DGKH: variants seen among roughly 807,000 people sequenced by gnomAD.
DGKH encodes DAG kinase eta.
A neutral mutation model predicts 159.3 loss-of-function variants in DGKH; 90 were observed. The ratio of observed to expected loss-of-function variants is 0.57; its 90% CI spans 0.48 to 0.67. DGKH has a LOEUF of 0.67. DGKH is among the 30% of genes least tolerant of loss of function. The probability of loss-of-function intolerance (pLI) is 0.00; values close to 1 mark genes in which losing one functional copy is unlikely to be tolerated. For missense variants in DGKH, 1,181 were observed against 1,506.1 expected (o/e 0.78, Z 3.57); for synonymous variants, 536 against 553.8 (o/e 0.97, Z 0.45).
chr13:42,070,907 G>C (rs1446688495), intron 1 of DGKH: 21 of 1,271,300 alleles, frequency 1.7e-5, no homozygotes, highest in East Asian at 2.3e-5. Flanking sequence ...ATTTCACATA[G>C]AGCATGTTTG....
At position 42,112,284 on chromosome 13, in the gene DGKH, CTTTTTTTTT is replaced by C. The variant is rs58307947; in HGVS notation, c.193-15170_193-15162del. Reference sequence around the variant, plus strand: ...CAATGCATACCATCTAGCCTTGTGGCTTTTTTTTTTTTTTTTTGACTTAGTCTCGTTCTG... The same window carrying C: ...CAATGCATACCATCTAGCCTTGTGGCTTTTTTTTGACTTAGTCTCGTTCTG... On this transcript the variant is annotated intron_variant, in intron 1 of 29. Coordinates refer to ENST00000337343, the MANE Select transcript of DGKH (RefSeq NM_178009.5). 4.9e-5 allele frequency among the ~76,000 whole-genome samples: 6 copies of C among 122,828 alleles called. No individual in the cohort carries two copies. The South Asian group carries it at 1.5e-3, about 32-fold the overall frequency. The allele number at this position is 122,828 out of a possible 152,430, so 80.6% of individuals were successfully genotyped here. A position where few individuals can be genotyped will look rare whatever the true frequency, so the allele number is the denominator to read the frequency against.
At chr13:42,116,080 A>G (rs972643225) in intron 1 of DGKH, among the ~76,000 whole-genome samples, 1 of 152,202 alleles carries the variant, frequency 6.6e-6, no homozygotes, top group Non-Finnish European at 1.5e-5. Context: ...ATTGCCTCAC[A>G]TATCATCATA....
At chr13:42,167,542 C>T (rs192664529) in intron 9 of DGKH, among the ~76,000 whole-genome samples, 8 of 152,224 alleles carry the variant, frequency 5.3e-5, no homozygotes, top group Non-Finnish European at 5.9e-5. Flanking sequence ...GCTTCCATTG[C>T]CTTTATCTTG....
intron 1 of DGKH, among the ~76,000 whole-genome samples, chr13:42,049,300 G>A (rs999932308): frequency 3.3e-5 from 5 of 152,108 alleles, no homozygotes; most frequent in Non-Finnish European, 7.4e-5. Context: ...GGCAGAGGCG[G>A]GTGCAGGGAA....
chr13:42,211,360 T>A (rs118098287), intron 24 of DGKH, among the ~76,000 whole-genome samples: 1 of 152,278 alleles, frequency 6.6e-6, no homozygotes, highest in East Asian at 1.9e-4. Context: ...TCCATTTTCA[T>A]ATGGCTATGA....
chr13:42,045,466 G>C (rs1017308034), upstream of DGKH, among the ~76,000 whole-genome samples: 1 of 152,204 alleles, frequency 6.6e-6, no homozygotes, highest in Non-Finnish European at 1.5e-5. Context: ...CTTTGCATTA[G>C]GTCTAGATGA....
chr13:42,049,954 A>G (rs1462039813), intron 1 of DGKH, among the ~76,000 whole-genome samples: 1 of 152,248 alleles, frequency 6.6e-6, no homozygotes, highest in Non-Finnish European at 1.5e-5. Context: ...CGGAACCACA[A>G]AATCATTGGC....
downstream of DGKH, among the ~76,000 whole-genome samples, chr13:42,247,329 C>T (rs138324666): frequency 3.4e-3 from 515 of 149,922 alleles, 8 homozygotes; most frequent in East Asian, 0.04. Context: ...CTCCTGGGTT[C>T]AAGCAATCCT....
At chr13:42,250,292 A>G (rs896995616) in intron 29 of DGKH, among the ~76,000 whole-genome samples, 11 of 152,178 alleles carry the variant, frequency 7.2e-5, no homozygotes, top group Non-Finnish European at 1.5e-4. Flanking sequence ...TTTAAAAAAA[A>G]AAAAGTTTAT....
chr13:42,042,399 C>G (rs969808668), intron 1 of DGKH, among the ~76,000 whole-genome samples: 3 of 151,958 alleles, frequency 2.0e-5, no homozygotes, highest in Admixed American at 6.5e-5. Flanking sequence ...TTTTTCTTCT[C>G]AAAAGTGACA....
At chr13:42,124,784 A>G (rs1487273691) in intron 1 of DGKH, among the ~76,000 whole-genome samples, 1 of 152,244 alleles carries the variant, frequency 6.6e-6, no homozygotes, top group African/African-American at 2.4e-5. Context: ...GGGAGGCCAT[A>G]GAATGCTGGC....
chr13:42,072,781 G>C (rs540734843), intron 1 of DGKH, among the ~76,000 whole-genome samples: 2 of 152,150 alleles, frequency 1.3e-5, no homozygotes, highest in African/African-American at 4.8e-5. Context: ...ACTAATAAAA[G>C]TCCCTCCCTC....
chr13:42,159,501 A>G, intron 6 of DGKH, 129 bp downstream of exon 6: 1 of 728,488 alleles, frequency 1.4e-6, no homozygotes, highest in Non-Finnish European at 2.3e-6. Context: ...GTTGATTCTG[A>G]GTTTTTATTT....
In DGKH at chr13:42,165,397, A is replaced by G; in HGVS notation, c.922A>G (p.Ile308Val). Residue 308 changes from isoleucine (I) to valine (V), a missense_variant, in exon 8 of 30, where the codon ATA (isoleucine) becomes GTA (valine). By Grantham distance (29) the Ile-to-Val change is conservative (BLOSUM62 3). This residue lies in a region of DGKH where 369 missense variants were observed against 519.4 expected (regional missense o/e 0.71). Transcript: ENST00000337343. ...ACTTGGTCAATGTAAAGTATCTATC[A>G]TACCTCCAATTGCACTAAACAGCAC... Reference protein sequence around the residue: ...CPLGQCKVSIIPPIALNSTDS... With the variant: ...CPLGQCKVSIVPPIALNSTDS... 6.3e-7 allele frequency: 1 copy of G among 1,593,278 alleles called. No homozygotes were observed.
At chr13:42,226,179 C>T (rs116057895) in intron 29 of DGKH, among the ~76,000 whole-genome samples, 1 of 151,894 alleles carries the variant, frequency 6.6e-6, no homozygotes, top group African/African-American at 2.4e-5. Context: ...ATGTGGCCAA[C>T]AAACATATGA....
At chr13:42,134,697 C>G (rs763423785) in intron 3 of DGKH, among the ~76,000 whole-genome samples, 4 of 152,016 alleles carry the variant, frequency 2.6e-5, no homozygotes, top group Non-Finnish European at 5.9e-5. Context: ...TGGTGAAACC[C>G]TGTCTCTACT....
Position 42,217,494 on chromosome 13 carries a change from C to T in DGKH, c.3214-1736C>T, listed in dbSNP as rs1301072613. Among the ~76,000 whole-genome samples the T allele has an allele frequency of 3.3e-5, 5 of 151,890 alleles. No homozygotes were observed. The East Asian group carries it at 7.7e-4, about 23-fold the overall frequency. The stretch of plus-strand genomic sequence containing the variant: ...CTGACTTCAAGTGATCCACCCGTCT[C>T]GGCCTCCCAGAGTGCTGGGATTACA... On this transcript the variant is annotated intron_variant, in intron 26 of 29. Coordinates refer to ENST00000337343, the MANE Select transcript of DGKH (RefSeq NM_178009.5).
intron 3 of DGKH, among the ~76,000 whole-genome samples, chr13:42,154,912 A>G (rs1956005255): frequency 6.6e-6 from 1 of 152,112 alleles, no homozygotes; most frequent in South Asian, 2.1e-4. Flanking sequence ...TTAATATTGC[A>G]TTCCTTTGAT....
intron 1 of DGKH, among the ~76,000 whole-genome samples, chr13:42,123,327 T>C (rs1955110381): frequency 6.6e-6 from 1 of 152,172 alleles, no homozygotes; most frequent in Non-Finnish European, 1.5e-5. Flanking sequence ...AGGAAATTAG[T>C]AACAGAACAA....
Sources: allele counts gnomAD v4.1 joint callset (sites outside exome capture counted in the v4.1 genomes callset), GRCh38; gene constraint gnomAD v4.1.1; regional missense constraint gnomAD v4.1.1; transcripts MANE v1.5; gene names NCBI Gene and HGNC (gene_info 2026-07-23, HGNC 2026-07-21).